The following ADCY7 variants were observed in gnomAD, a reference collection of about 807,000 sequenced individuals.
ADCY7 encodes adenylate cyclase 7, also known as adenylate cyclase type 7.
Under a neutral mutation model 120.6 loss-of-function variants are expected in ADCY7, and 72 were observed. That is an observed-to-expected ratio of 0.60 (90% CI 0.49 to 0.73). ADCY7 has a LOEUF of 0.73. ADCY7 is among the 30% of genes least tolerant of loss of function. The probability of loss-of-function intolerance (pLI) is 0.00; values close to 1 mark genes in which losing one functional copy is unlikely to be tolerated. For synonymous variants in ADCY7, 661 were observed against 628.0 expected (o/e 1.05, Z -0.78); for missense variants, 1,227 against 1,486.0 (o/e 0.83, Z 2.87).
At chr16:50,307,927 C>T (rs962884805) in intron 15 of ADCY7, among the ~76,000 whole-genome samples, 19 of 129,598 alleles carry the variant, frequency 1.5e-4, no homozygotes, top group Admixed American at 1.1e-3. Context: ...ACCTGGGAGG[C>T]GGAGGTTGCA....
intron 1 of ADCY7, among the ~76,000 whole-genome samples, chr16:50,255,597 C>T (rs1028322701): frequency 8.5e-5 from 13 of 152,116 alleles, no homozygotes; most frequent in South Asian, 6.2e-4. Context: ...CATGCTCAAG[C>T]CATGCCCCTA....
At chr16:50,278,550 A>G (rs1290867643) in intron 1 of ADCY7, among the ~76,000 whole-genome samples, 2 of 152,116 alleles carry the variant, frequency 1.3e-5, no homozygotes, top group Non-Finnish European at 2.9e-5. Context: ...AATTTTTACC[A>G]TGTATATTTT....
In ADCY7 at chr16:50,317,994, G is replaced by A. The variant is rs574826750; in HGVS notation, c.*2489G>A. 5 of 152,448 alleles carry A rather than the reference G, an allele frequency of 3.3e-5. No individual in the cohort carries two copies. In the South Asian group the frequency reaches 1.0e-3, roughly 32 times the overall value. 9.4% of individuals were successfully genotyped at this position (152,448 alleles called of 1,614,324 possible). A position where few individuals can be genotyped will look rare whatever the true frequency, so the allele number is the denominator to read the frequency against. On this transcript the variant is annotated 3_prime_UTR_variant, in exon 26 of 26. Transcript: ENST00000673801. ...GTAAAGAAATATGATTTGAGGTGGT[G>A]CATGCAAGTAACTAGGGTTTATTCT...
At chr16:50,245,808 G>A (rs1281794457), upstream of ADCY7, among the ~76,000 whole-genome samples, 5 of 152,130 alleles carry the variant, frequency 3.3e-5, no homozygotes, top group Non-Finnish European at 5.9e-5. Context: ...TTTCCCTCTG[G>A]GGGTGGGGCC....
At chr16:50,250,152 A>G (rs2032711285) in intron 1 of ADCY7, among the ~76,000 whole-genome samples, 1 of 152,198 alleles carries the variant, frequency 6.6e-6, no homozygotes, top group South Asian at 2.1e-4. Context: ...GACACTGAAG[A>G]GAGGTGACAA....
chr16:50,304,328 T>C lies in ADCY7; in HGVS notation c.1369-32T>C, dbSNP rs543633275. 3 of 1,397,606 alleles carry C rather than the reference T, an allele frequency of 2.1e-6. No individual in the cohort carries two copies. In the East Asian group the frequency reaches 7.9e-5, roughly 37 times the overall value. The allele number at this position is 1,397,606 out of a possible 1,614,324, so 86.6% of individuals were successfully genotyped here. ...CTTCCTGGGCCGAGAGGGGAGGAGG[T>C]GGCACAGGCCCATGTCCATGTCTGC... On this transcript the variant is annotated intron_variant, in intron 10 of 25. Transcript: ENST00000673801.
chr16:50,284,473 C>T (rs923796594), intron 1 of ADCY7, among the ~76,000 whole-genome samples: 1 of 152,238 alleles, frequency 6.6e-6, no homozygotes, highest in Non-Finnish European at 1.5e-5. Context: ...CGGGTGTGTC[C>T]ACACACTCTC....
At chr16:50,291,941 G>A in intron 4 of ADCY7, 44 bp downstream of exon 4, 1 of 1,556,386 alleles carries the variant, frequency 6.4e-7, no homozygotes, top group Non-Finnish European at 8.7e-7. Flanking sequence ...TTGTGGTCTG[G>A]GTCTAAGGGC....
At chr16:50,303,378 C>G (rs886301945) in intron 10 of ADCY7, among the ~76,000 whole-genome samples, 3 of 152,186 alleles carry the variant, frequency 2.0e-5, no homozygotes, top group Non-Finnish European at 2.9e-5. Flanking sequence ...TGTGGCTTAT[C>G]GAGTGCTTGT....
intron 23 of ADCY7, 53 bp downstream of exon 23, chr16:50,314,115 C>CCTGT (rs1238842408): frequency 7.7e-6 from 12 of 1,551,274 alleles, no homozygotes; most frequent in African/African-American, 1.4e-5. Flanking sequence ...TTAAAGGTGA[C>CCTGT]CTGTCACCTT....
intron 7 of ADCY7, among the ~76,000 whole-genome samples, chr16:50,296,027 T>C (rs780252924): frequency 6.6e-6 from 1 of 152,194 alleles, no homozygotes; most frequent in Non-Finnish European, 1.5e-5. Flanking sequence ...AAAACACCAG[T>C]GCCCATGTCC....
chr16:50,308,051 G>GT (rs1835085603), intron 15 of ADCY7, among the ~76,000 whole-genome samples: 2 of 150,508 alleles, frequency 1.3e-5, no homozygotes, highest in East Asian at 2.0e-4. Context: ...CGTTTTTACA[G>GT]TTTTTTCTGA....
intron 1 of ADCY7, among the ~76,000 whole-genome samples, chr16:50,270,878 C>T (rs1191974000): frequency 6.6e-6 from 1 of 152,152 alleles, no homozygotes; most frequent in Non-Finnish European, 1.5e-5. Flanking sequence ...GGCTGGAGCC[C>T]CTCCAGCTGT....
chr16:50,288,485 TGG>T, intron 2 of ADCY7, 135 bp downstream of exon 2: 1 of 1,091,540 alleles, frequency 9.2e-7, no homozygotes, highest in Non-Finnish European at 1.3e-6. Context: ...GTTTTGTTTT[TGG>T]GTTTTTTTGA....
Position 50,288,332 on chromosome 16 carries a change from C to G in ADCY7, c.153C>G (p.Ile51Met). The stretch of plus-strand genomic sequence containing the variant: ...CCACTGCCTGCGTGGCCCTCATCAT[C>G]ATTGCCTTCAGCCAGGGGGTGAGTG... ...VAATACVALI[I>M]IAFSQGDPSR... The change falls in exon 2 of 26, where the codon ATC (isoleucine) becomes ATG (methionine). Residue 51 changes from isoleucine to methionine, a missense_variant. Ile to Met is a conservative substitution (Grantham distance 10). Coordinates refer to ENST00000673801, the MANE Select transcript of ADCY7 (RefSeq NM_001114.5). 1.3e-6 allele frequency: 2 copies of G among 1,548,846 alleles called. No individual in the cohort carries two copies. Among genetic ancestry groups the G allele is most frequent in the Non-Finnish European group, 1.7e-6 (2 of 1,145,380 alleles).
At chr16:50,294,285 C>T (rs1279199715) in intron 6 of ADCY7, among the ~76,000 whole-genome samples, 1 of 152,168 alleles carries the variant, frequency 6.6e-6, no homozygotes, top group African/African-American at 2.4e-5. Flanking sequence ...CTGCCTCTCA[C>T]CAGGGAGTTC....
At chr16:50,314,179 G>A in intron 23 of ADCY7, 113 bp from the exon 24 acceptor site, 1 of 1,410,500 alleles carries the variant, frequency 7.1e-7, no homozygotes, top group South Asian at 1.2e-5. Flanking sequence ...GGTACTTGTA[G>A]GGCTCAGCCA....
chr16:50,299,103 G>A (rs2035547281), intron 8 of ADCY7, 72 bp downstream of exon 8: 7 of 1,492,488 alleles, frequency 4.7e-6, no homozygotes, highest in Middle Eastern at 1.8e-4. Context: ...TAGGGGATGT[G>A]TCATTCTCAT....
At chr16:50,281,981 T>A (rs1010472875) in intron 1 of ADCY7, among the ~76,000 whole-genome samples, 1 of 151,974 alleles carries the variant, frequency 6.6e-6, no homozygotes, top group Non-Finnish European at 1.5e-5. Context: ...AGCATGCAGG[T>A]TTTTTGTCTG....
Sources: gnomAD v4.1 joint callset for allele counts (sites outside exome capture counted in the v4.1 genomes callset) on GRCh38, gnomAD v4.1.1 for gene constraint, MANE v1.5 for transcripts, NCBI Gene and HGNC (gene_info 2026-07-23, HGNC 2026-07-21) for gene names.